The following ORC2 variants were observed in gnomAD, a reference collection of about 807,000 sequenced individuals.
ORC2 encodes the protein origin recognition complex protein 2 homolog.
Under a neutral mutation model 77.7 loss-of-function variants are expected in ORC2, and 37 were observed. That is an observed-to-expected ratio of 0.48 (90% CI 0.37 to 0.63). ORC2 has a LOEUF of 0.63. Among genes scored for constraint, ORC2 ranks in the 20% least tolerant of loss-of-function variants. The pLI, the probability that ORC2 is intolerant of heterozygous loss-of-function variation, is 0.00. For synonymous variants in ORC2, 201 were observed against 229.5 expected (o/e 0.88, Z 1.12); for missense variants, 557 against 661.9 (o/e 0.84, Z 1.74).
chr2:200,922,822 T>C (rs2040782421), intron 13 of ORC2, among the ~76,000 whole-genome samples: 1 of 152,206 alleles, frequency 6.6e-6, no homozygotes, highest in Non-Finnish European at 1.5e-5. Flanking sequence ...TACAAGGATC[T>C]GTGGTAAGGG....
intron 16 of ORC2, chr2:200,913,654 A>G: frequency 7.6e-7 from 1 of 1,322,404 alleles, no homozygotes; most frequent in Middle Eastern, 2.9e-4. Flanking sequence ...TGCCTAGAAT[A>G]TGAAAAATAT....
intron 5 of ORC2, 58 bp downstream of exon 5, chr2:200,949,496 G>A (rs2041312182): frequency 1.1e-6 from 1 of 933,132 alleles, no homozygotes; most frequent in African/African-American, 1.6e-5. Context: ...GGGGAATGTG[G>A]TTAAATCTAC....
intron 5 of ORC2, among the ~76,000 whole-genome samples, chr2:200,947,473 G>A (rs2041270733): frequency 6.6e-6 from 1 of 152,090 alleles, no homozygotes; most frequent in Non-Finnish European, 1.5e-5. Context: ...TGGCTACAGT[G>A]ATTGAATAAA....
intron 4 of ORC2, among the ~76,000 whole-genome samples, chr2:200,950,996 A>G (rs1474271311): frequency 6.6e-6 from 1 of 151,880 alleles, no homozygotes; most frequent in African/African-American, 2.4e-5. Context: ...TTGTCTTTAC[A>G]CTCTTTTTAT....
At chr2:200,923,206 C>T (rs1463903274) in intron 13 of ORC2, among the ~76,000 whole-genome samples, 1 of 152,094 alleles carries the variant, frequency 6.6e-6, no homozygotes, top group Non-Finnish European at 1.5e-5. Flanking sequence ...CAATATATAA[C>T]TTTGTTTTAT....
intron 10 of ORC2, among the ~76,000 whole-genome samples, chr2:200,932,118 G>A (rs535999567): frequency 3.6e-4 from 55 of 151,756 alleles, no homozygotes; most frequent in Non-Finnish European, 6.9e-4. Context: ...TGTTTATTTA[G>A]TCACAGTTAA....
intron 5 of ORC2, among the ~76,000 whole-genome samples, chr2:200,946,853 G>A (rs2041258343): frequency 6.6e-6 from 1 of 151,864 alleles, no homozygotes; most frequent in African/African-American, 2.4e-5. Flanking sequence ...TTCTTCTCTG[G>A]TTTCTCAGTG....
chr2:200,912,995 G>C (rs1212988022), intron 17 of ORC2, among the ~76,000 whole-genome samples: 1 of 152,122 alleles, frequency 6.6e-6, no homozygotes, highest in African/African-American at 2.4e-5. Flanking sequence ...AATAAATACA[G>C]ACCAAATTAA....
chr2:200,957,265 G>T, intron 4 of ORC2, 136 bp downstream of exon 4: 2 of 596,472 alleles, frequency 3.4e-6, no homozygotes, highest in Non-Finnish European at 5.5e-6. Context: ...TGGAGAAATT[G>T]AAGCAAATGC....
chr2:200,909,902 T>C lies in ORC2; in HGVS notation c.*1399A>G, dbSNP rs1230781563. 1 of 152,008 alleles carries C rather than the reference T, an allele frequency of 6.6e-6. No homozygotes were observed. The highest frequency in any genetic ancestry group is 1.5e-5 in the Non-Finnish European group (1 of 68,034). 9.4% of individuals were successfully genotyped at this position (152,008 alleles called of 1,614,324 possible). ...TCAGCCTCCACAGCAGCTAGGACTA[T>C]AGGCATGGGCCACCATGCCCGGATG... is the stretch of plus-strand genomic sequence containing the variant. On this transcript the variant is annotated 3_prime_UTR_variant, in exon 18 of 18. Transcript: ENST00000234296.
chr2:200,932,219 G>C lies in ORC2; in HGVS notation c.808-771C>G, dbSNP rs530423296. On this transcript the variant is annotated intron_variant, in intron 10 of 17. Transcript: ENST00000234296. ...CTTCTGAGTTCAGAGCCCTGAAAAA[G>C]CAGAGAAAGCACTAATATCTTTTCC... Among the ~76,000 whole-genome samples, 22 of 151,702 alleles carry C rather than the reference G, an allele frequency of 1.5e-4. No homozygotes were observed. The East Asian group carries it at 4.3e-3, about 29-fold the overall frequency.
At chr2:200,948,933 A>T (rs2041299330) in intron 5 of ORC2, among the ~76,000 whole-genome samples, 1 of 152,052 alleles carries the variant, frequency 6.6e-6, no homozygotes, top group Non-Finnish European at 1.5e-5. Context: ...TACTTCAAAA[A>T]AATTTGTGAA....
chr2:200,949,393 T>C (rs1575179978), intron 5 of ORC2, among the ~76,000 whole-genome samples, 161 bp downstream of exon 5: 2 of 152,268 alleles, frequency 1.3e-5, no homozygotes, highest in South Asian at 2.1e-4. Flanking sequence ...GTGCTTAATA[T>C]AACATCCTTC....
intron 9 of ORC2, among the ~76,000 whole-genome samples, chr2:200,935,326 T>C (rs2041018978): frequency 6.6e-6 from 1 of 152,190 alleles, no homozygotes; most frequent in South Asian, 2.1e-4. Context: ...TTTCACCATG[T>C]TGGCCAGGCT....
intron 5 of ORC2, among the ~76,000 whole-genome samples, chr2:200,946,535 A>G (rs1442149423): frequency 2.0e-5 from 3 of 152,252 alleles, no homozygotes; most frequent in Non-Finnish European, 2.9e-5. Flanking sequence ...AAATATCTAT[A>G]AAACTATCTT....
At chr2:200,930,300 C>T (rs1295152780) in intron 11 of ORC2, among the ~76,000 whole-genome samples, 1 of 152,114 alleles carries the variant, frequency 6.6e-6, no homozygotes, top group East Asian at 1.9e-4. Flanking sequence ...GCTAGCAATT[C>T]CAACAAACTT....
At chr2:200,918,586 T>A (rs541315075) in intron 15 of ORC2, among the ~76,000 whole-genome samples, 1 of 151,462 alleles carries the variant, frequency 6.6e-6, no homozygotes, top group East Asian at 1.9e-4. Context: ...CCTCCTGGGT[T>A]CAAGCGATTC....
intron 1 of ORC2, among the ~76,000 whole-genome samples, chr2:200,960,111 G>C (rs930555604): frequency 6.6e-6 from 1 of 151,876 alleles, no homozygotes; most frequent in Non-Finnish European, 1.5e-5. Flanking sequence ...CCATACAGCT[G>C]GGACTACTAG....
intron 3 of ORC2, 74 bp downstream of exon 3, chr2:200,957,956 T>C (rs1341227661): frequency 1.0e-6 from 1 of 952,604 alleles, no homozygotes; most frequent in Non-Finnish European, 1.6e-6. Context: ...AAGAAAATGT[T>C]AAAAGTTTTA....
Sources: allele counts gnomAD v4.1 joint callset (sites outside exome capture counted in the v4.1 genomes callset), GRCh38; gene constraint gnomAD v4.1.1; transcripts MANE v1.5; gene names NCBI Gene and HGNC (gene_info 2026-07-23, HGNC 2026-07-21).